Variants in IL18BP observed in about 807,000 individuals in gnomAD.
IL18BP encodes interleukin-18-binding protein.
A neutral mutation model predicts 19.9 loss-of-function variants in IL18BP; 23 were observed. The ratio of observed to expected loss-of-function variants is 1.15; its 90% CI spans 0.83 to 1.64. The LOEUF is 1.64. Among genes scored for constraint, IL18BP ranks in the 40% most tolerant of loss-of-function variants. IL18BP has a pLI of 0.00. For synonymous variants in IL18BP, 107 were observed against 101.0 expected (o/e 1.06, Z -0.35); for missense variants, 239 against 240.7 (o/e 0.99, Z 0.05).
At chr11:72,003,931 C>T (rs771964401), downstream of IL18BP, 66 of 1,613,048 alleles carry the variant, frequency 4.1e-5, 2 homozygotes, top group South Asian at 5.4e-4. Flanking sequence ...GCAGCAGTGG[C>T]GGCGCTGGCT....
chr11:72,001,133 G>A (rs1955201167), intron 3 of IL18BP, 68 bp from the exon 4 acceptor site: 2 of 1,594,214 alleles, frequency 1.3e-6, no homozygotes, highest in Non-Finnish European at 8.6e-7. Flanking sequence ...TGGCAGGGAG[G>A]GCACAGCAGA....
downstream of IL18BP, chr11:72,007,229 C>T (rs773056133): frequency 3.5e-5 from 57 of 1,612,642 alleles, 1 homozygote; most frequent in South Asian, 4.5e-4. Context: ...GGTGCGCCGA[C>T]GAGCGGAGCG....
chr11:72,004,019 G>A (rs770890943), downstream of IL18BP: 2 of 1,613,408 alleles, frequency 1.2e-6, no homozygotes, highest in African/African-American at 2.7e-5. Context: ...CCTTCTTTGA[G>A]GCTCCCCGCC....
At chr11:72,000,326 T>C (rs757596250) in intron 2 of IL18BP, 25 bp from the exon 3 acceptor site, 3 of 1,606,130 alleles carry the variant, frequency 1.9e-6, no homozygotes, top group Middle Eastern at 1.7e-4. Flanking sequence ...CCAGAGCCGC[T>C]GACCTGTAAC....
chr11:72,004,723 T>C, downstream of IL18BP: 1 of 1,613,540 alleles, frequency 6.2e-7, no homozygotes. Context: ...CCCTCGGCTA[T>C]CTGGATTGGC....
chr11:72,003,614 T>C (rs1439730206), downstream of IL18BP: 1 of 1,580,202 alleles, frequency 6.3e-7, no homozygotes, highest in African/African-American at 1.3e-5. Flanking sequence ...GAAGATCTCT[T>C]CCTGCTCCCA....
At chr11:72,006,140 G>T (rs777058397), downstream of IL18BP, 1 of 1,614,188 alleles carries the variant, frequency 6.2e-7, no homozygotes, top group Non-Finnish European at 8.5e-7. Flanking sequence ...CCATAATCGG[G>T]AGAACCCAGG....
chr11:72,003,719 C>T (rs531620960), downstream of IL18BP: 2 of 972,994 alleles, frequency 2.1e-6, no homozygotes, highest in African/African-American at 1.6e-5. Context: ...AGAATGGGGC[C>T]ATCTGTCTTC....
chr11:72,005,861 C>G, downstream of IL18BP: 1 of 617,760 alleles, frequency 1.6e-6, no homozygotes, highest in East Asian at 2.8e-5. Flanking sequence ...ACAGCCAGCC[C>G]CTAGATGGGC....
downstream of IL18BP, chr11:72,004,642 C>G: frequency 6.2e-7 from 1 of 1,612,254 alleles, no homozygotes; most frequent in Non-Finnish European, 8.5e-7. Flanking sequence ...GCGCCTACCT[C>G]AGGAGTTCCA....
At chr11:72,000,244 C>T in intron 2 of IL18BP, 107 bp from the exon 3 acceptor site, 1 of 1,086,450 alleles carries the variant, frequency 9.2e-7, no homozygotes, top group Non-Finnish European at 1.4e-6. Flanking sequence ...TCTTCCCGCT[C>T]TGATTCCCTG....
In IL18BP at chr11:72,002,162, G is replaced by GC; in HGVS notation, c.*303dup. ...CTCAGAAACCACCAAGACTGTTGAT[G>GC]CCTTAGCCTTGCACTCCAGGGCCCT... On this transcript the variant is annotated 3_prime_UTR_variant, in exon 6 of 6. Transcript: ENST00000393703. 2.1e-6 allele frequency: 1 copy of GC among 470,750 alleles called. No individual in the cohort carries two copies. Among genetic ancestry groups the GC allele is most frequent in the Non-Finnish European group, 3.8e-6 (1 of 262,308 alleles). The allele number at this position is 470,750 out of a possible 1,614,324, so 29.2% of individuals were successfully genotyped here.
chr11:72,007,725 C>G (rs1431196325), downstream of IL18BP: 6 of 466,740 alleles, frequency 1.3e-5, no homozygotes, highest in Non-Finnish European at 2.3e-5. Flanking sequence ...CCAATCTAAG[C>G]CCACTTCTCT....
downstream of IL18BP, chr11:72,006,255 A>T (rs562317477): frequency 1.7e-5 from 27 of 1,614,018 alleles, no homozygotes; most frequent in East Asian, 1.3e-4. Flanking sequence ...GCTCTTCCAC[A>T]TCTAGCTTCT....
At chr11:72,003,749 C>G (rs1955438136), downstream of IL18BP, 1 of 1,038,108 alleles carries the variant, frequency 9.6e-7, no homozygotes, top group African/African-American at 1.6e-5. Flanking sequence ...AGAGGAGCTA[C>G]CAGGACAGGG....
downstream of IL18BP, chr11:72,004,230 T>C (rs770301161): frequency 8.1e-6 from 13 of 1,610,314 alleles, no homozygotes; most frequent in East Asian, 2.2e-5. Context: ...CTCACCTGTT[T>C]AGTAGAAGCT....
chr11:72,006,114 G>A (rs748387955), downstream of IL18BP: 4 of 1,614,184 alleles, frequency 2.5e-6, no homozygotes, highest in Middle Eastern at 1.7e-4. Context: ...CAGGCAAGCT[G>A]AGCAGGGCTG....
downstream of IL18BP, chr11:72,007,478 A>T: frequency 6.2e-7 from 1 of 1,605,352 alleles, no homozygotes; most frequent in Non-Finnish European, 8.5e-7. Flanking sequence ...TTCACGCTAG[A>T]AGGCATTTTG....
downstream of IL18BP, chr11:72,004,578 T>C (rs759479132): frequency 1.3e-6 from 2 of 1,535,966 alleles, no homozygotes; most frequent in South Asian, 1.2e-5. Context: ...CTTTAGTCCT[T>C]GGTGAGCTGG....
Sources: allele counts gnomAD v4.1 joint callset, GRCh38; gene constraint gnomAD v4.1.1; transcripts MANE v1.5; gene names NCBI Gene and HGNC (gene_info 2026-07-23, HGNC 2026-07-21).